Variants in OSTN observed in about 807,000 individuals in gnomAD.
The protein encoded by OSTN is osteocrin.
In OSTN, 9 loss-of-function variants were observed where a neutral mutation model predicts 12.0. That is an observed-to-expected ratio of 0.75 (90% confidence interval 0.45 to 1.30). OSTN has a LOEUF of 1.30. OSTN is among the 50% of genes most tolerant of loss of function. OSTN has a pLI of 0.00. For synonymous variants in OSTN, 59 were observed against 56.9 expected, an observed-to-expected ratio of 1.04 and a Z score of -0.16; for missense variants, 148 against 152.3, an observed-to-expected ratio of 0.97 and a Z score of 0.15.
intron 1 of OSTN, among the ~76,000 whole-genome samples, chr3:191,206,340 C>T (rs1048098400): frequency 6.6e-6 from 1 of 152,072 alleles, no homozygotes; most frequent in Non-Finnish European, 1.5e-5. Context: ...TTTTTCTTAA[C>T]ATGTTCTTAA....
intron 1 of OSTN, among the ~76,000 whole-genome samples, chr3:191,207,401 G>A (rs554447045): frequency 1.3e-5 from 2 of 149,904 alleles, no homozygotes; most frequent in South Asian, 4.3e-4. Flanking sequence ...TTTTTTTGTT[G>A]TTCAACACCA....
At chr3:191,249,490 T>C (rs1715510186) in intron 3 of OSTN, among the ~76,000 whole-genome samples, 1 of 152,156 alleles carries the variant, frequency 6.6e-6, no homozygotes, top group Admixed American at 6.5e-5. Flanking sequence ...ACAAAGAGAA[T>C]ATAAGCAAAT....
chr3:191,234,694 C>G (rs1272211188), intron 3 of OSTN: 2 of 72,456 alleles, frequency 2.8e-5, no homozygotes, highest in Non-Finnish European at 4.6e-5. Flanking sequence ...GGGACACCAT[C>G]TGAAAAAAAA....
At chr3:191,229,828 G>T (rs1251592236) in intron 3 of OSTN, 1 of 152,134 alleles carries the variant, frequency 6.6e-6, no homozygotes, top group Non-Finnish European at 1.5e-5. Flanking sequence ...ACTTCGAGAG[G>T]TCAAGGCGGG....
intron 3 of OSTN, among the ~76,000 whole-genome samples, chr3:191,235,804 C>T (rs1470001721): frequency 6.6e-6 from 1 of 152,182 alleles, no homozygotes; most frequent in Non-Finnish European, 1.5e-5. Flanking sequence ...CATCTGCCCA[C>T]AGAAAACCCA....
At chr3:191,228,838 A>G (rs1714978454) in intron 3 of OSTN, 1 of 152,218 alleles carries the variant, frequency 6.6e-6, no homozygotes, top group Non-Finnish European at 1.5e-5. Flanking sequence ...TTCTCTTTAT[A>G]CAATTATTAT....
rs74828936 is a variant in OSTN at position 191,226,899 on chromosome 3, A to T, written c.317+7938A>T. 6.2e-4 allele frequency among the ~76,000 whole-genome samples: 94 copies of T among 152,260 alleles called. 1 individual carries two copies. The East Asian group carries it at 0.016, about 26-fold the overall frequency. Reference sequence around the variant, plus strand: ...AGAGATTTGATTGAAGAAATAGATGACCCCACATAGGTATTAGAAGAAGAC... The same window carrying T: ...AGAGATTTGATTGAAGAAATAGATGTCCCCACATAGGTATTAGAAGAAGAC... On this transcript the variant is annotated intron_variant, in intron 3 of 4. Transcript: ENST00000682035.
chr3:191,240,714 T>A (rs548638797), intron 3 of OSTN, among the ~76,000 whole-genome samples: 1 of 152,362 alleles, frequency 6.6e-6, no homozygotes, highest in African/African-American at 2.4e-5. Context: ...ACTTCCAAAA[T>A]GGCCCACTCA....
chr3:191,222,502 C>A (rs1187769110), intron 3 of OSTN, among the ~76,000 whole-genome samples: 3 of 152,196 alleles, frequency 2.0e-5, no homozygotes, highest in East Asian at 3.8e-4. Context: ...GCCTGTCCCC[C>A]CACATTGTAT....
At position 191,202,867 on chromosome 3, in the gene OSTN, A is replaced by G. The variant is rs77353981; in HGVS notation, c.-1+3560A>G. Among the ~76,000 whole-genome samples, 1,433 of 152,328 alleles carry G rather than the reference A, an allele frequency of 9.4e-3. 28 individuals carry two copies. The highest frequency in any genetic ancestry group is 0.033 in the African/African-American group (1,367 of 41,578). Reference sequence around the variant, plus strand: ...AATTTCATTAACAGAATTGCCTACAATTATATACTAATGTTATTTTCTATT... The same window carrying G: ...AATTTCATTAACAGAATTGCCTACAGTTATATACTAATGTTATTTTCTATT... On this transcript the variant is annotated intron_variant, in intron 1 of 4. Coordinates refer to ENST00000682035, the MANE Select transcript of OSTN (RefSeq NM_198184.2).
intron 3 of OSTN, chr3:191,229,718 A>G (rs1715001745): frequency 6.6e-6 from 1 of 152,232 alleles, no homozygotes; most frequent in Admixed American, 6.5e-5. Flanking sequence ...AAATTAATGT[A>G]TAGTTTAATA....
chr3:191,260,950 T>A (rs1297139753), intron 4 of OSTN, among the ~76,000 whole-genome samples: 1 of 152,174 alleles, frequency 6.6e-6, no homozygotes, highest in Non-Finnish European at 1.5e-5. Flanking sequence ...GTCACATAAA[T>A]CTTTGTCTCG....
intron 3 of OSTN, among the ~76,000 whole-genome samples, chr3:191,242,968 A>G (rs1715354083): frequency 7.7e-6 from 1 of 129,214 alleles, no homozygotes; most frequent in African/African-American, 4.6e-5. Flanking sequence ...TGTTTAAAAG[A>G]AAAAAAAAAC....
chr3:191,206,343 G>A (rs1003907879), intron 1 of OSTN, among the ~76,000 whole-genome samples: 1 of 151,958 alleles, frequency 6.6e-6, no homozygotes, highest in African/African-American at 2.4e-5. Flanking sequence ...TTCTTAACAT[G>A]TTCTTAAAAA....
intron 1 of OSTN, among the ~76,000 whole-genome samples, chr3:191,202,944 G>A (rs1449346262): frequency 6.6e-6 from 1 of 152,110 alleles, no homozygotes; most frequent in African/African-American, 2.4e-5. Context: ...TGGGGATTTA[G>A]GTACAGATTA....
intron 1 of OSTN, among the ~76,000 whole-genome samples, chr3:191,207,895 G>C (rs899227728): frequency 3.9e-5 from 6 of 151,974 alleles, no homozygotes; most frequent in African/African-American, 1.5e-4. Flanking sequence ...ATCCTTTCAG[G>C]GTATAGTCAA....
At chr3:191,209,067 G>A (rs140321000) in intron 1 of OSTN, among the ~76,000 whole-genome samples, 308 of 152,314 alleles carry the variant, frequency 2.0e-3, no homozygotes, top group Non-Finnish European at 3.1e-3. Flanking sequence ...GCTGAGGCAG[G>A]AGAATCGCTT....
chr3:191,252,099 T>C (rs377379685), intron 4 of OSTN, among the ~76,000 whole-genome samples: 6 of 152,204 alleles, frequency 3.9e-5, no homozygotes, highest in African/African-American at 1.4e-4. Flanking sequence ...CTCACTCTTT[T>C]ATCAGGCTGA....
intron 1 of OSTN, among the ~76,000 whole-genome samples, chr3:191,204,476 AATTT>A (rs765783373): frequency 6.6e-6 from 1 of 152,176 alleles, no homozygotes; most frequent in Admixed American, 6.5e-5. Flanking sequence ...TTAAATCTCG[AATTT>A]GAGTTTATGA....
Sources: allele counts gnomAD v4.1 joint callset (sites outside exome capture counted in the v4.1 genomes callset), GRCh38; gene constraint gnomAD v4.1.1; transcripts MANE v1.5; gene names NCBI Gene and HGNC (gene_info 2026-07-23, HGNC 2026-07-21).